The following TMBIM1 variants were observed in gnomAD, a reference collection of about 807,000 sequenced individuals.
TMBIM1 encodes transmembrane BAX inhibitor motif containing 1, also known as protein lifeguard 3.
A neutral mutation model predicts 45.1 loss-of-function variants in TMBIM1; 34 were observed. That is an observed-to-expected ratio of 0.75 (90% CI 0.57 to 1.00). TMBIM1 has a LOEUF of 1.00. TMBIM1 is among the 50% of genes least tolerant of loss of function. TMBIM1 has a pLI of 0.00. For missense variants in TMBIM1, 374 were observed against 402.4 expected (o/e 0.93, Z 0.60); for synonymous variants, 157 against 153.5 (o/e 1.02, Z -0.17).
At chr2:218,277,578 C>T in intron 8 of TMBIM1, 55 bp downstream of exon 8, 1 of 1,612,626 alleles carries the variant, frequency 6.2e-7, no homozygotes, top group South Asian at 1.1e-5. Context: ...CCCAGGAACA[C>T]CCCACTCCCC....
intron 1 of TMBIM1, 51 bp from the exon 2 acceptor site, chr2:218,282,232 T>A: frequency 9.0e-7 from 1 of 1,111,030 alleles, no homozygotes; most frequent in Non-Finnish European, 1.2e-6. Flanking sequence ...CCCAGCTCAC[T>A]CAGCCTCATG....
chr2:218,276,025 C>G lies in TMBIM1; in HGVS notation c.789+1G>C, dbSNP rs1162687748. ...CTTCCTAGAGTGGGGCTGGGACTTA[C>G]CAGGGTGAAACAAATGGCCCCCAGA... is the stretch of plus-strand genomic sequence containing the variant. On this transcript the variant is annotated splice_donor_variant, in intron 11 of 11. Transcript: ENST00000258412. LOFTEE classifies it high-confidence loss of function. 1.2e-6 allele frequency: 2 copies of G among 1,611,690 alleles called. No homozygotes were observed. The highest frequency in any genetic ancestry group is 1.7e-6 in the Non-Finnish European group (2 of 1,179,046).
chr2:218,292,156 C>T (rs1017806487), intron 1 of TMBIM1, among the ~76,000 whole-genome samples: 1 of 152,206 alleles, frequency 6.6e-6, no homozygotes, highest in Non-Finnish European at 1.5e-5. Flanking sequence ...CACTCGTGCC[C>T]GAAAGAGGGA....
rs774582570 is a variant in TMBIM1, at chr2:218,282,094, C to T, written c.48G>A (p.Leu16=). Residue 16 remains leucine (L), a synonymous_variant, in exon 2 of 12, where the codon CTG becomes CTA. Coordinates refer to ENST00000258412, the MANE Select transcript of TMBIM1 (RefSeq NM_022152.6). ...APPPYEDRNP[L]YPGPPPPGGY... ...CCCCAGGGGGCGGAGGGCCTGGGTA[C>T]AGGGGGTTGCGGTCTTCATATGGTG... The T allele has an allele frequency of 6.4e-7, 1 of 1,573,532 alleles. No individual in the cohort carries two copies. The highest frequency in any genetic ancestry group is 8.6e-7 in the Non-Finnish European group (1 of 1,160,666).
At chr2:218,276,130 G>A in intron 10 of TMBIM1, 51 bp from the exon 11 acceptor site, 1 of 1,586,050 alleles carries the variant, frequency 6.3e-7, no homozygotes, top group African/African-American at 1.3e-5. Context: ...GCAAACCACA[G>A]GCCCACAGGC....
Position 218,279,105 on chromosome 2 carries a change from G to T in TMBIM1, c.369-14C>A. The T allele has an allele frequency of 1.2e-6, 2 of 1,614,056 alleles. No individual in the cohort carries two copies. The highest frequency in any genetic ancestry group is 2.2e-5 in the South Asian group (2 of 91,084). On this transcript the variant is annotated splice_polypyrimidine_tract_variant and intron_variant, in intron 4 of 11. Transcript: ENST00000258412. ...CTGACAGGTTCCCTGTGGGGCACAGGAGGACAGGAGTAGTCACCCTGAGGC... is the reference window on the plus strand; with the variant it reads ...CTGACAGGTTCCCTGTGGGGCACAGTAGGACAGGAGTAGTCACCCTGAGGC...
At chr2:218,291,354 G>A (rs1029787590) in intron 1 of TMBIM1, among the ~76,000 whole-genome samples, 5 of 152,104 alleles carry the variant, frequency 3.3e-5, no homozygotes, top group Admixed American at 6.5e-5. Context: ...CCCCCTTTGC[G>A]CCAATAAAGC....
At chr2:218,276,185 G>A (rs1351086689) in intron 10 of TMBIM1, 106 bp from the exon 11 acceptor site, 1 of 1,219,874 alleles carries the variant, frequency 8.2e-7, no homozygotes, top group Non-Finnish European at 1.2e-6. Context: ...GTAGAGCTGG[G>A]AAGCTAGCTC....
chr2:218,275,493 C>T lies in TMBIM1; in HGVS notation c.918G>A (p.Leu306=). ...TTGCTCCTTAATTGCGATCCCCCAT[C>T]AGCTGCAGCACAAAGGTGAAGATGT... is the stretch of plus-strand genomic sequence containing the variant. ...IIYIFTFVLQ[L]MGDRN is the part of the protein sequence containing the mutation. Residue 306 remains leucine, a synonymous_variant, in exon 12 of 12, where the codon CTG becomes CTA. Transcript: ENST00000258412. 6.2e-7 allele frequency: 1 copy of T among 1,613,760 alleles called. No homozygotes were observed. Among genetic ancestry groups the T allele is most frequent in the African/African-American group, 1.3e-5 (1 of 75,054 alleles).
intron 1 of TMBIM1, among the ~76,000 whole-genome samples, chr2:218,292,013 G>A (rs1292123019): frequency 6.6e-6 from 1 of 150,696 alleles, no homozygotes; most frequent in African/African-American, 2.4e-5. Flanking sequence ...GGGGCAACCT[G>A]GGGTCCGTGC....
chr2:218,279,468 G>T, intron 3 of TMBIM1, 115 bp from the exon 4 acceptor site: 3 of 893,748 alleles, frequency 3.4e-6, no homozygotes, highest in Non-Finnish European at 4.9e-6. Context: ...CTGCAGCCTG[G>T]CCCAGAGGCG....
intron 3 of TMBIM1, 141 bp from the exon 4 acceptor site, chr2:218,279,494 C>A (rs761181850): frequency 1.5e-4 from 99 of 657,870 alleles, no homozygotes; most frequent in Non-Finnish European, 9.9e-5. Context: ...AGTGAGATGC[C>A]TGGCTCAGAG....
intron 1 of TMBIM1, among the ~76,000 whole-genome samples, chr2:218,291,560 C>T (rs1287808095): frequency 6.6e-6 from 1 of 152,114 alleles, no homozygotes; most frequent in East Asian, 1.9e-4. Context: ...AGGTAGAACC[C>T]CAAACTCCTG....
chr2:218,280,803 T>TC (rs1691838149), intron 2 of TMBIM1: 2 of 145,156 alleles, frequency 1.4e-5, no homozygotes, highest in Admixed American at 1.4e-4. Context: ...TCACCTCATT[T>TC]CCTTTTTTTT....
intron 6 of TMBIM1, chr2:218,278,298 C>T: frequency 1.6e-6 from 1 of 616,012 alleles, no homozygotes; most frequent in Non-Finnish European, 2.8e-6. Context: ...AAAATGCTAC[C>T]TGTCTTGCAG....
chr2:218,280,541 G>A (rs1691802066), intron 2 of TMBIM1: 2 of 249,806 alleles, frequency 8.0e-6, no homozygotes, highest in South Asian at 4.5e-5. Context: ...CAGGGATAGA[G>A]GTGAAGACAG....
chr2:218,276,086 A>T lies in TMBIM1; in HGVS notation c.736-7T>A, dbSNP rs764082930. The T allele has an allele frequency of 6.2e-7, 1 of 1,612,688 alleles. No homozygotes were observed. Among genetic ancestry groups the T allele is most frequent in the Non-Finnish European group, 8.5e-7 (1 of 1,179,464 alleles). On this transcript the variant is annotated splice_region_variant and splice_polypyrimidine_tract_variant and intron_variant, in intron 10 of 11. Transcript: ENST00000258412. ...GCATGTGGAGCCAGTAAACCTGGAG[A>T]AGAAGGGGACAGAGAATGGCATTAG...
Position 218,282,200 on chromosome 2 carries a change from A to C in TMBIM1, c.-40-19T>G. ...CTGGGACCTGAAATGGGAGAGGAGA[A>C]AAGCAATCGTGAATGCCCAGGCCCA... On this transcript the variant is annotated intron_variant, in intron 1 of 11. Transcript: ENST00000258412. 24 of 1,336,918 alleles carry C rather than the reference A, an allele frequency of 1.8e-5. No individual in the cohort carries two copies. The highest frequency in any genetic ancestry group is 2.8e-5 in the East Asian group (1 of 35,868). 82.8% of individuals were successfully genotyped at this position (1,336,918 alleles called of 1,614,324 possible). A position where few individuals can be genotyped will look rare whatever the true frequency, so the allele number is the denominator to read the frequency against.
Position 218,278,580 on chromosome 2 carries a change from A to T in TMBIM1, c.423-15T>A. On this transcript the variant is annotated splice_polypyrimidine_tract_variant and intron_variant, in intron 5 of 11. Coordinates refer to ENST00000258412, the MANE Select transcript of TMBIM1 (RefSeq NM_022152.6). ...CGAAGACAGCACTAGGGACAAAGAG[A>T]TGGGGAAGCAGTTCAGGCCCAAATC... 2 of 1,614,120 alleles carry T rather than the reference A, an allele frequency of 1.2e-6. No homozygotes were observed. The highest frequency in any genetic ancestry group is 1.7e-6 in the Non-Finnish European group (2 of 1,179,982).
Sources: allele counts gnomAD v4.1 joint callset (sites outside exome capture counted in the v4.1 genomes callset), GRCh38; gene constraint gnomAD v4.1.1; transcripts MANE v1.5; gene names NCBI Gene and HGNC (gene_info 2026-07-23, HGNC 2026-07-21).